Variants in NDST4 observed in about 807,000 individuals in gnomAD.
NDST4 encodes N-heparan sulfate sulfotransferase 4.
Under a neutral mutation model 100.8 loss-of-function variants are expected in NDST4, and 63 were observed. The observed-to-expected ratio is 0.62, with a 90% CI of 0.51 to 0.77. The LOEUF is 0.77. NDST4 is among the 30% of genes least tolerant of loss of function. The pLI is 0.00. For missense variants in NDST4, 943 were observed against 1,018.4 expected (o/e 0.93, Z 1.01); for synonymous variants, 377 against 361.8 (o/e 1.04, Z -0.48).
At chr4:115,040,821 C>T (rs113029108) in intron 2 of NDST4, among the ~76,000 whole-genome samples, 2,467 of 152,010 alleles carry the variant, frequency 0.016, 64 homozygotes, top group African/African-American at 0.057. Flanking sequence ...TAATAGAATA[C>T]AACGTCTGCA....
chr4:115,022,656 C>T (rs1448031116), intron 2 of NDST4, among the ~76,000 whole-genome samples: 5 of 151,990 alleles, frequency 3.3e-5, no homozygotes. Flanking sequence ...TGGCTATGTC[C>T]CCACCCGAAT....
At chr4:115,014,484 T>C (rs1727631724) in intron 2 of NDST4, among the ~76,000 whole-genome samples, 1 of 152,064 alleles carries the variant, frequency 6.6e-6, no homozygotes. Flanking sequence ...GGATAAGTTG[T>C]TGCATCAATG....
At chr4:115,045,691 C>CCTAA (rs1386401483) in intron 2 of NDST4, among the ~76,000 whole-genome samples, 1 of 152,098 alleles carries the variant, frequency 6.6e-6, no homozygotes, top group Non-Finnish European at 1.5e-5. Flanking sequence ...GACACCTGCA[C>CCTAA]CTAACATGGG....
intron 1 of NDST4, among the ~76,000 whole-genome samples, chr4:115,099,061 T>G (rs971829782): frequency 1.8e-4 from 27 of 152,176 alleles, no homozygotes; most frequent in Non-Finnish European, 1.0e-4. Context: ...AAGGATAGCC[T>G]TTTCAATAAA....
At chr4:114,960,998 G>A (rs1288337591) in intron 4 of NDST4, among the ~76,000 whole-genome samples, 3 of 152,112 alleles carry the variant, frequency 2.0e-5, no homozygotes, top group Admixed American at 2.0e-4. Context: ...AGGAAGGAGG[G>A]AGGAATAGAG....
chr4:114,986,832 A>ATATATATATATATATATATATTTTT, intron 2 of NDST4, among the ~76,000 whole-genome samples: 3 of 94,662 alleles, frequency 3.2e-5, no homozygotes, highest in East Asian at 3.6e-4. Context: ...ATATATATAT[A>ATATATATATATATATATATATTTTT]TTTTAATATA....
chr4:114,897,411 A>T (rs1474476492), intron 6 of NDST4, among the ~76,000 whole-genome samples: 1 of 152,096 alleles, frequency 6.6e-6, no homozygotes, highest in Non-Finnish European at 1.5e-5. Context: ...TTGATAACTC[A>T]TTTCTTTTTG....
At chr4:114,837,972 T>C (rs1304146530) in intron 11 of NDST4, among the ~76,000 whole-genome samples, 2 of 152,072 alleles carry the variant, frequency 1.3e-5, no homozygotes, top group Admixed American at 6.5e-5. Flanking sequence ...TAAACAAATT[T>C]ATAAGAAAAA....
intron 4 of NDST4, among the ~76,000 whole-genome samples, chr4:114,946,533 C>G (rs942353861): frequency 2.1e-4 from 32 of 152,118 alleles, no homozygotes; most frequent in African/African-American, 7.7e-4. Flanking sequence ...ACGGATTGAG[C>G]TATACAGACT....
At chr4:114,918,434 C>T (rs1219375414) in intron 6 of NDST4, among the ~76,000 whole-genome samples, 1 of 150,594 alleles carries the variant, frequency 6.6e-6, no homozygotes, top group Non-Finnish European at 1.5e-5. Flanking sequence ...GGAGATATAC[C>T]TAATGCTAGA....
At chr4:114,904,882 C>T (rs537814596) in intron 6 of NDST4, among the ~76,000 whole-genome samples, 4 of 151,912 alleles carry the variant, frequency 2.6e-5, no homozygotes, top group African/African-American at 9.6e-5. Context: ...GTTATTCTTG[C>T]CTATCCATAC....
chr4:114,839,604 T>C lies in NDST4; in HGVS notation c.2116-56A>G, dbSNP rs2126183392. On this transcript the variant is annotated intron_variant, in intron 10 of 13. Transcript: ENST00000264363. Reference sequence around the variant, plus strand: ...ATTTTTTTTAATGCCTGTGTAGATATGCATATGTGTATGGGTGAGCACATG... The same window carrying C: ...ATTTTTTTTAATGCCTGTGTAGATACGCATATGTGTATGGGTGAGCACATG... 9.7e-6 allele frequency: 15 copies of C among 1,541,286 alleles called. No homozygotes were observed. In the East Asian group the frequency reaches 2.2e-4, roughly 23 times the overall value.
rs758845386 is a variant in NDST4 at position 115,076,561 on chromosome 4, A to G, written c.476T>C (p.Val159Ala). The change falls in exon 2 of 14, where the codon GTT (valine) becomes GCT (alanine). Residue 159 changes from valine (V) to alanine (A), a missense_variant. Val to Ala is a moderately conservative substitution (Grantham distance 64, BLOSUM62 0). Around this residue, in one of 2 missense-constraint regions of NDST4, gnomAD observed 417 missense variants for 384.2 expected, o/e 1.09. Coordinates refer to ENST00000264363, the MANE Select transcript of NDST4 (RefSeq NM_022569.3). Reference sequence around the variant, plus strand: ...GGCTTTATGAAAACCGATTATACTAACACTGTATTCCACACAGTATTTTTC... The same window carrying G: ...GGCTTTATGAAAACCGATTATACTAGCACTGTATTCCACACAGTATTTTTC... ...LLEKYCVEYS[V>A]SIIGFHKANE... The G allele has an allele frequency of 6.2e-6, 10 of 1,613,822 alleles. No homozygotes were observed. The highest frequency in any genetic ancestry group is 1.6e-4 in the Middle Eastern group (1 of 6,078).
chr4:115,026,985 G>C (rs775768025), intron 2 of NDST4, among the ~76,000 whole-genome samples: 5 of 152,140 alleles, frequency 3.3e-5, no homozygotes, highest in Non-Finnish European at 7.4e-5. Flanking sequence ...CGTAATTCCA[G>C]AGTCTAGTTG....
chr4:115,062,131 C>T (rs1002041523), intron 2 of NDST4, among the ~76,000 whole-genome samples: 3 of 151,924 alleles, frequency 2.0e-5, no homozygotes, highest in South Asian at 2.1e-4. Flanking sequence ...AAATGAACAA[C>T]ACTCAAAAAG....
intron 12 of NDST4, among the ~76,000 whole-genome samples, chr4:114,831,834 G>C (rs1723208042): frequency 6.6e-6 from 1 of 152,174 alleles, no homozygotes; most frequent in African/African-American, 2.4e-5. Context: ...TCCTCTCTAA[G>C]TTATATCAAT....
intron 6 of NDST4, among the ~76,000 whole-genome samples, chr4:114,916,039 C>T (rs1725160781): frequency 6.6e-6 from 1 of 152,108 alleles, no homozygotes; most frequent in Non-Finnish European, 1.5e-5. Flanking sequence ...AGAAATGGCA[C>T]AACCTGTTGG....
intron 1 of NDST4, among the ~76,000 whole-genome samples, chr4:115,082,634 G>A (rs1410265069): frequency 6.6e-6 from 1 of 152,128 alleles, no homozygotes; most frequent in Non-Finnish European, 1.5e-5. Flanking sequence ...CTGCTTGCTA[G>A]TAACTATGCT....
chr4:115,083,823 C>G (rs1258795105), intron 1 of NDST4, among the ~76,000 whole-genome samples: 2 of 152,070 alleles, frequency 1.3e-5, no homozygotes, highest in Admixed American at 1.3e-4. Flanking sequence ...TTGTAAGGTT[C>G]CTGAGGACTC....
Sources: gnomAD v4.1 joint callset for allele counts (sites outside exome capture counted in the v4.1 genomes callset) on GRCh38, gnomAD v4.1.1 for gene constraint, gnomAD v4.1.1 regional missense constraint, MANE v1.5 for transcripts, NCBI Gene and HGNC (gene_info 2026-07-23, HGNC 2026-07-21) for gene names.